TACC2: variants seen among roughly 807,000 people sequenced by gnomAD.
The protein encoded by TACC2 is transforming acidic coiled-coil containing protein 2, also known as transforming acidic coiled-coil-containing protein 2.
TACC2 carries 137 observed loss-of-function variants against 227.3 expected under a neutral mutation model. That is an observed-to-expected ratio of 0.60 (90% CI 0.52 to 0.69). The LOEUF is 0.69. Among genes scored for constraint, TACC2 ranks in the 30% least tolerant of loss-of-function variants. The pLI is 0.00. For missense variants in TACC2, 3,470 were observed against 3,694.4 expected, an observed-to-expected ratio of 0.94 and a Z score of 1.57; for synonymous variants, 1,523 against 1,487.5, an observed-to-expected ratio of 1.02 and a Z score of -0.55.
At chr10:122,027,562 C>T (rs1013026286) in intron 2 of TACC2, among the ~76,000 whole-genome samples, 37 of 152,058 alleles carry the variant, frequency 2.4e-4, no homozygotes, top group African/African-American at 8.5e-4. Flanking sequence ...GGCTCTGTTT[C>T]TGGGTTTGCT....
intron 7 of TACC2, among the ~76,000 whole-genome samples, chr10:122,154,270 G>GAGCC (rs1460832306): frequency 1.3e-5 from 2 of 152,244 alleles, no homozygotes; most frequent in African/African-American, 4.8e-5. Context: ...TCGGACAAAG[G>GAGCC]AGCCGTCCCA....
At position 122,085,975 on chromosome 10, in the gene TACC2, C is replaced by G. The variant is rs898633554; in HGVS notation, c.3475C>G (p.Leu1159Val). Residue 1159 changes from leucine to valine, a missense_variant, in exon 4 of 23, where the codon CTC becomes GTC. Physicochemically the swap from Leu to Val is conservative, Grantham distance 32. This residue lies in a region of TACC2 where 1,924 missense variants were observed against 1,978.3 expected (regional missense o/e 0.97). Coordinates refer to ENST00000369005, the MANE Select transcript of TACC2 (RefSeq NM_206862.4). ...KPGEATLSCG[L>V]LQTEHCLTSG... The stretch of plus-strand genomic sequence containing the variant: ...TGGAGAAGCTACTTTGAGTTGTGGC[C>G]TCCTTCAGACTGAGCACTGCCTTAC... 1 of 1,613,912 alleles carries G rather than the reference C, an allele frequency of 6.2e-7. No individual in the cohort carries two copies. Among genetic ancestry groups the G allele is most frequent in the Non-Finnish European group, 8.5e-7 (1 of 1,179,982 alleles).
chr10:122,059,769 G>T (rs2136377399), intron 3 of TACC2, among the ~76,000 whole-genome samples: 1 of 152,274 alleles, frequency 6.6e-6, no homozygotes, highest in South Asian at 2.1e-4. Flanking sequence ...GTACCCAGCA[G>T]GGTGTCAAGC....
intron 1 of TACC2, among the ~76,000 whole-genome samples, chr10:122,020,425 G>A (rs895623421): frequency 2.6e-5 from 4 of 152,072 alleles, no homozygotes; most frequent in Non-Finnish European, 5.9e-5. Flanking sequence ...CTGTGGTGAC[G>A]TCACTCAGTT....
At position 122,209,912 on chromosome 10, in the gene TACC2, A is replaced by C. The variant is rs2095249034; in HGVS notation, c.5972-485A>C. ...TCACCATGATGACCAGGCTGGTCTC[A>C]AACTCCTGACCTCAAGTGATCTGCC... On this transcript the variant is annotated intron_variant, in intron 8 of 22. Transcript: ENST00000369005. This position sits in a 1 kb window ranked among gnomAD's most constrained non-coding sequence, Gnocchi z 4.5. 1 of 162,682 alleles carries C rather than the reference A, an allele frequency of 6.1e-6. No homozygotes were observed. Among genetic ancestry groups the C allele is most frequent in the African/African-American group, 2.4e-5 (1 of 41,588 alleles). 10.1% of individuals were successfully genotyped at this position (162,682 alleles called of 1,614,324 possible).
chr10:122,076,060 A>G (rs538913752), intron 3 of TACC2, among the ~76,000 whole-genome samples: 16 of 152,268 alleles, frequency 1.1e-4, no homozygotes, highest in African/African-American at 3.8e-4. Flanking sequence ...TCGGCCTCCC[A>G]AAGTGGTGGG....
chr10:122,132,067 A>AGGAAGGAAGGAAGGAAGGAAGG (rs57429902), intron 5 of TACC2, among the ~76,000 whole-genome samples: 2,583 of 28,274 alleles, frequency 0.091, 123 homozygotes, highest in Middle Eastern at 0.14. Context: ...AAAGAAAGAA[A>AGGAAGGAAGGAAGGAAGGAAGG]AAGAAAGAAA....
chr10:122,237,256 T>G, intron 16 of TACC2, 139 bp from the exon 17 acceptor site: 1 of 829,188 alleles, frequency 1.2e-6, no homozygotes, highest in Non-Finnish European at 1.8e-6. Flanking sequence ...TGTTCATCAG[T>G]CTTTGCACTT....
intron 1 of TACC2, among the ~76,000 whole-genome samples, chr10:122,021,180 G>T (rs909150562): frequency 6.7e-6 from 1 of 149,722 alleles, no homozygotes. Flanking sequence ...AGTGAGTCGA[G>T]ATCGTGCCAC....
chr10:122,131,177 CAAAAAA>C lies in TACC2; in HGVS notation c.5574-1413_5574-1408del, dbSNP rs10572276. 3.1e-4 allele frequency among the ~76,000 whole-genome samples: 30 copies of C among 95,306 alleles called. 1 individual carries two copies. Among genetic ancestry groups the C allele is most frequent in the Admixed American group, 2.7e-3 (23 of 8,530 alleles). The allele number at this position is 95,306 out of a possible 152,430, so 62.5% of individuals were successfully genotyped here. On this transcript the variant is annotated intron_variant, in intron 5 of 22. Transcript: ENST00000369005. ...TGGGCAGCAGAGGGAGACGCTTTCT[CAAAAAA>C]AAAAAAAAAAAAAAAAAATCTGACT...
At position 122,084,394 on chromosome 10, in the gene TACC2, T is replaced by A. The variant is rs1261194202; in HGVS notation, c.1894T>A (p.Ser632Thr). Residue 632 changes from serine (S) to threonine (T), a missense_variant, in exon 4 of 23, where the codon TCA (serine) becomes ACA (threonine). Transcript: ENST00000369005. ...GAGCAGAGACCATCCCAGCTCACAC[T>A]CAGCACAGCCACCCAGAAAGGGGGG... ...AESRDHPSSH[S>T]AQPPRKGGAG... is the part of the protein sequence containing the mutation. 1.3e-5 allele frequency: 21 copies of A among 1,613,148 alleles called. No individual in the cohort carries two copies. The highest frequency in any genetic ancestry group is 5.0e-5 in the Admixed American group (3 of 60,010).
intron 5 of TACC2, among the ~76,000 whole-genome samples, chr10:122,113,660 T>C (rs1461288461): frequency 2.6e-5 from 4 of 152,224 alleles, no homozygotes; most frequent in Non-Finnish European, 5.9e-5. Context: ...CGTGTGGTCC[T>C]ACTGGGTCGC....
At chr10:122,009,586 T>C (rs1955670850) in intron 1 of TACC2, among the ~76,000 whole-genome samples, 1 of 152,156 alleles carries the variant, frequency 6.6e-6, no homozygotes, top group Admixed American at 6.6e-5. Context: ...ACTGGCCAAA[T>C]GGTACTTAAC....
intron 3 of TACC2, among the ~76,000 whole-genome samples, chr10:122,068,412 T>C (rs984412229): frequency 1.3e-5 from 2 of 152,210 alleles, no homozygotes; most frequent in Non-Finnish European, 2.9e-5. Flanking sequence ...CTGGATATTT[T>C]CGTATTCCTA....
intron 5 of TACC2, among the ~76,000 whole-genome samples, chr10:122,126,005 C>T (rs1057191555): frequency 2.0e-5 from 3 of 151,958 alleles, no homozygotes; most frequent in Non-Finnish European, 2.9e-5. Context: ...TCTCGATCTC[C>T]TGACCTCGTG....
intron 7 of TACC2, among the ~76,000 whole-genome samples, chr10:122,171,502 G>A (rs1272717974): frequency 2.0e-5 from 3 of 152,198 alleles, no homozygotes; most frequent in Admixed American, 2.0e-4. Flanking sequence ...CTTACTCCAA[G>A]GTGTTTGTGG....
At chr10:122,131,771 C>T (rs893015220) in intron 5 of TACC2, among the ~76,000 whole-genome samples, 16 of 152,102 alleles carry the variant, frequency 1.1e-4, no homozygotes, top group East Asian at 1.9e-4. Context: ...CCTGTAATCC[C>T]GGCACTTTGG....
chr10:122,011,442 G>A (rs1024630797), intron 1 of TACC2, among the ~76,000 whole-genome samples: 12 of 152,162 alleles, frequency 7.9e-5, no homozygotes, highest in Non-Finnish European at 1.2e-4. Flanking sequence ...CGATTCTCCT[G>A]CCTTAGCCTC....
chr10:122,240,794 C>T (rs879735873), intron 18 of TACC2, among the ~76,000 whole-genome samples: 4 of 152,144 alleles, frequency 2.6e-5, no homozygotes, highest in African/African-American at 9.7e-5. Context: ...AAGTTTCTTC[C>T]AGCAGATTGG....
Sources: allele counts gnomAD v4.1 joint callset (sites outside exome capture counted in the v4.1 genomes callset), GRCh38; gene constraint gnomAD v4.1.1; regional missense constraint gnomAD v4.1.1; non-coding constraint Gnocchi (gnomAD v3.1); transcripts MANE v1.5; gene names NCBI Gene and HGNC (gene_info 2026-07-23, HGNC 2026-07-21).